WDR17: variants seen among roughly 807,000 people sequenced by gnomAD.
The protein encoded by WDR17 is WD repeat-containing protein 17.
In WDR17, 143 loss-of-function variants were observed where a neutral mutation model predicts 161.7. The ratio of observed to expected loss-of-function variants is 0.88; its 90% CI spans 0.77 to 1.02. The LOEUF (loss-of-function observed/expected upper bound fraction) is 1.02. Among genes scored for constraint, WDR17 ranks in the 50% least tolerant of loss-of-function variants. The pLI is 0.00. For synonymous variants in WDR17, 517 were observed against 515.6 expected, an observed-to-expected ratio of 1.00 and a Z score of -0.04; for missense variants, 1,469 against 1,520.9, an observed-to-expected ratio of 0.97 and a Z score of 0.57.
At chr4:176,112,058 T>C (rs190803238) in intron 2 of WDR17, among the ~76,000 whole-genome samples, 2 of 152,326 alleles carry the variant, frequency 1.3e-5, no homozygotes, top group East Asian at 3.9e-4. Flanking sequence ...TCCATTCAGA[T>C]ATCCCTTATC....
intron 9 of WDR17, among the ~76,000 whole-genome samples, chr4:176,138,690 A>G (rs536122867): frequency 1.3e-5 from 2 of 151,850 alleles, no homozygotes; most frequent in Non-Finnish European, 3.0e-5. Flanking sequence ...AGATCAGTTG[A>G]TTTCTTCTTA....
At chr4:176,124,209 GTCTC>G (rs1473687047) in intron 4 of WDR17, among the ~76,000 whole-genome samples, 3 of 152,146 alleles carry the variant, frequency 2.0e-5, no homozygotes, top group African/African-American at 7.2e-5. Flanking sequence ...TAAGGCCGCA[GTCTC>G]TCTAACTAGA....
chr4:176,158,671 A>G (rs1226308199), intron 18 of WDR17, among the ~76,000 whole-genome samples: 3 of 152,208 alleles, frequency 2.0e-5, no homozygotes, highest in Admixed American at 2.0e-4. Context: ...TGGTAGAAAG[A>G]AGGAGACTGA....
At chr4:176,122,271 T>C (rs1741718428) in intron 4 of WDR17, among the ~76,000 whole-genome samples, 2 of 152,302 alleles carry the variant, frequency 1.3e-5, no homozygotes, top group South Asian at 4.2e-4. Context: ...GACATAGTCA[T>C]ATTGGATTAA....
In WDR17 at chr4:176,117,815, G is replaced by A. The variant is rs115054060; in HGVS notation, c.307+1836G>A. Among the ~76,000 whole-genome samples, 819 of 152,106 alleles carry A rather than the reference G, an allele frequency of 5.4e-3. 10 individuals are homozygous for A. Among genetic ancestry groups the A allele is most frequent in the African/African-American group, 0.019 (774 of 41,516 alleles). On this transcript the variant is annotated intron_variant, in intron 3 of 28. Coordinates refer to ENST00000508596, the MANE Select transcript of WDR17 (RefSeq NM_181265.4). ...TGTCTTCTTAATTTGAAGATTGAAAGCTTTGCTATTTTATTTGCAAAAAAA... is the reference window on the plus strand; with the variant it reads ...TGTCTTCTTAATTTGAAGATTGAAAACTTTGCTATTTTATTTGCAAAAAAA...
chr4:176,106,967 A>G (rs988116487), intron 1 of WDR17, among the ~76,000 whole-genome samples: 4 of 152,120 alleles, frequency 2.6e-5, no homozygotes, highest in African/African-American at 9.7e-5. Flanking sequence ...AGAAGGAAAG[A>G]AAAACCCTAT....
intron 1 of WDR17, among the ~76,000 whole-genome samples, chr4:176,106,372 C>T (rs1025284256): frequency 2.0e-5 from 3 of 152,032 alleles, no homozygotes; most frequent in Non-Finnish European, 2.9e-5. Context: ...CAATACCATT[C>T]AATGCAGAAA....
intron 7 of WDR17, 21 bp from the exon 8 acceptor site, chr4:176,135,086 CT>C (rs979116215): frequency 3.1e-6 from 5 of 1,607,256 alleles, no homozygotes; most frequent in Non-Finnish European, 4.3e-6. Flanking sequence ...ATAATTATGA[CT>C]TTTTTATGCC....
At chr4:176,068,789 T>A (rs1490384639) in intron 1 of WDR17, among the ~76,000 whole-genome samples, 2 of 152,194 alleles carry the variant, frequency 1.3e-5, no homozygotes, top group African/African-American at 4.8e-5. Context: ...TTGATAAAAC[T>A]ATTCCTTGAA....
chr4:176,095,694 T>C (rs1389842858), intron 1 of WDR17, among the ~76,000 whole-genome samples: 3 of 152,034 alleles, frequency 2.0e-5, no homozygotes, highest in Admixed American at 6.6e-5. Context: ...CCTTCTTTCC[T>C]CGCTTCCTAC....
chr4:176,111,514 A>C, intron 1 of WDR17, 61 bp from the exon 2 acceptor site: 1 of 1,550,658 alleles, frequency 6.4e-7, no homozygotes, highest in Non-Finnish European at 8.8e-7. Context: ...TAGATGTAAA[A>C]CAATGAGGAA....
chr4:176,162,077 T>C lies in WDR17; in HGVS notation c.2753T>C (p.Leu918Pro), dbSNP rs761897788. The C allele has an allele frequency of 2.5e-6, 4 of 1,611,544 alleles. No homozygotes were observed. In the African/African-American group the frequency reaches 4.0e-5, roughly 16 times the overall value. ...DDIYKEDFNE[L>P]LHKVSKELAE... The stretch of plus-strand genomic sequence containing the variant: ...AATACACATTTTTTTCTTTCTAGAC[T>C]CCTGCACAAAGTCAGTAAAGAACTG... The change falls in exon 21 of 29, where the codon CTC becomes CCC. Residue 918 changes from leucine to proline, a missense_variant and splice_region_variant. Transcript: ENST00000508596.
intron 8 of WDR17, among the ~76,000 whole-genome samples, chr4:176,136,725 A>G (rs1744473847): frequency 6.6e-6 from 1 of 151,588 alleles, no homozygotes; most frequent in South Asian, 2.1e-4. Context: ...AAAAGAAAAA[A>G]AATGCAAATA....
intron 22 of WDR17, among the ~76,000 whole-genome samples, chr4:176,166,953 G>T (rs1579245880): frequency 1.3e-5 from 2 of 152,144 alleles, no homozygotes; most frequent in South Asian, 4.2e-4. Context: ...TTAGTAAAAT[G>T]ATGAGTTATC....
At chr4:176,142,559 A>C (rs188578825) in intron 11 of WDR17, among the ~76,000 whole-genome samples, 1 of 152,226 alleles carries the variant, frequency 6.6e-6, no homozygotes, top group South Asian at 2.1e-4. Context: ...AGTATTTATC[A>C]TGTAAAAATC....
intron 23 of WDR17, 46 bp downstream of exon 23, chr4:176,168,829 G>C (rs770780480): frequency 6.3e-7 from 1 of 1,575,752 alleles, no homozygotes; most frequent in Non-Finnish European, 8.6e-7. Flanking sequence ...GCAGTGCTAT[G>C]ATTTAATTAA....
intron 5 of WDR17, 28 bp downstream of exon 5, chr4:176,125,383 TTAAATA>T (rs1186057462): frequency 1.2e-6 from 2 of 1,607,580 alleles, no homozygotes; most frequent in African/African-American, 2.7e-5. Flanking sequence ...ACCCAGAGTT[TTAAATA>T]CGTGTATATA....
chr4:176,101,499 A>G (rs1355269017), intron 1 of WDR17, among the ~76,000 whole-genome samples: 2 of 152,224 alleles, frequency 1.3e-5, no homozygotes, highest in African/African-American at 2.4e-5. Context: ...TGTTGGTATT[A>G]TCAGACAAGG....
At chr4:176,146,294 C>T (rs554404255) in intron 12 of WDR17, 135 bp downstream of exon 12, 31 of 898,820 alleles carry the variant, frequency 3.4e-5, no homozygotes, top group Admixed American at 3.1e-4. Context: ...AATGCAGTGG[C>T]GTGATCGTGG....
Sources: gnomAD v4.1 joint callset for allele counts (sites outside exome capture counted in the v4.1 genomes callset) on GRCh38, gnomAD v4.1.1 for gene constraint, MANE v1.5 for transcripts, NCBI Gene and HGNC (gene_info 2026-07-23, HGNC 2026-07-21) for gene names.